KCNT2: variants seen among roughly 807,000 people sequenced by gnomAD.
The protein encoded by KCNT2 is potassium channel subfamily T member 2.
KCNT2 carries 67 observed loss-of-function variants against 153.8 expected under a neutral mutation model. The observed-to-expected ratio is 0.44, with a 90% CI of 0.36 to 0.53. The LOEUF (loss-of-function observed/expected upper bound fraction) is 0.53, where lower values mean the gene tolerates loss of function less well. KCNT2 is among the 20% of genes least tolerant of loss of function. KCNT2 has a pLI of 0.00. For missense variants in KCNT2, 975 were observed against 1,354.8 expected (o/e 0.72, Z 4.40); for synonymous variants, 500 against 458.8 (o/e 1.09, Z -1.15).
At chr1:196,278,242 C>G (rs1223098154) in intron 25 of KCNT2, among the ~76,000 whole-genome samples, 1 of 152,112 alleles carries the variant, frequency 6.6e-6, no homozygotes, top group African/African-American at 2.4e-5. Context: ...TATGCTAGTA[C>G]AGTAACACTA....
At chr1:196,468,443 A>G (rs183957432) in intron 6 of KCNT2, among the ~76,000 whole-genome samples, 1 of 152,218 alleles carries the variant, frequency 6.6e-6, no homozygotes, top group East Asian at 1.9e-4. Flanking sequence ...ATAGTTTTGC[A>G]AAAGGAAAGT....
Position 196,596,543 on chromosome 1 carries a change from A to G in KCNT2, c.95+11672T>C, listed in dbSNP as rs183509732. 4.3e-3 allele frequency among the ~76,000 whole-genome samples: 659 copies of G among 152,196 alleles called. 2 individuals are homozygous for G. Among genetic ancestry groups the G allele is most frequent in the Non-Finnish European group, 7.7e-3 (525 of 67,996 alleles). On this transcript the variant is annotated intron_variant, in intron 1 of 27. Transcript: ENST00000294725. ...GTGCATCTTGTTTTGAGACTTGTCT[A>G]TTCATGTCCTTTGCCCACTTTTTGA...
At chr1:196,561,088 A>G (rs1332302972) in intron 1 of KCNT2, among the ~76,000 whole-genome samples, 1 of 151,886 alleles carries the variant, frequency 6.6e-6, no homozygotes, top group Admixed American at 6.6e-5. Context: ...TACATATTTC[A>G]AAATTACTAA....
Position 196,405,962 on chromosome 1 carries a change from T to A in KCNT2, c.1186-7291A>T, listed in dbSNP as rs192009149. On this transcript the variant is annotated intron_variant, in intron 12 of 27. Transcript: ENST00000294725. ...TATGGCAATCTGGAGAACAAACCTG[T>A]CTTGAAAACATTCGAATGTATTGTT... 9.8e-4 allele frequency among the ~76,000 whole-genome samples: 148 copies of A among 151,596 alleles called. 1 individual carries two copies. The highest frequency in any genetic ancestry group is 3.4e-3 in the Middle Eastern group (1 of 294).
At chr1:196,232,367 T>C (rs1481448979) in intron 27 of KCNT2, among the ~76,000 whole-genome samples, 1 of 151,768 alleles carries the variant, frequency 6.6e-6, no homozygotes, top group Non-Finnish European at 1.5e-5. Context: ...GTATAATCCA[T>C]TATTCTCTGC....
chr1:196,261,047 TTG>T (rs1378666453), intron 25 of KCNT2, among the ~76,000 whole-genome samples: 2 of 151,596 alleles, frequency 1.3e-5, no homozygotes, highest in African/African-American at 4.8e-5. Flanking sequence ...GTGTGTGTGT[TTG>T]TGTGTTTTAA....
chr1:196,559,186 A>T (rs1659067351), intron 1 of KCNT2, among the ~76,000 whole-genome samples: 1 of 151,638 alleles, frequency 6.6e-6, no homozygotes, highest in African/African-American at 2.4e-5. Flanking sequence ...ACTTCAATAG[A>T]AGTCACAGTA....
At chr1:196,506,695 A>G (rs1313422317) in intron 1 of KCNT2, among the ~76,000 whole-genome samples, 5 of 152,272 alleles carry the variant, frequency 3.3e-5, no homozygotes, top group East Asian at 1.9e-4. Flanking sequence ...AAATAACTCA[A>G]TTACAACATC....
At chr1:196,566,107 TA>T (rs1365209028) in intron 1 of KCNT2, among the ~76,000 whole-genome samples, 2 of 151,862 alleles carry the variant, frequency 1.3e-5, no homozygotes, top group African/African-American at 2.4e-5. Context: ...AATGAATTTG[TA>T]AAAAAGAAAT....
chr1:196,335,762 C>A lies in KCNT2; in HGVS notation c.1784-1702G>T, dbSNP rs567067678. Among the ~76,000 whole-genome samples, 5 of 152,202 alleles carry A rather than the reference C, an allele frequency of 3.3e-5. No homozygotes were observed. In the East Asian group the frequency reaches 9.7e-4, roughly 29 times the overall value. ...TAACCAATAAAAACAATGTTGCACA[C>A]ATTTTTATGCATTCACCCTTTGATC... On this transcript the variant is annotated intron_variant, in intron 16 of 27. Transcript: ENST00000294725.
At position 196,523,076 on chromosome 1, in the gene KCNT2, G is replaced by A. The variant is rs563253179; in HGVS notation, c.96-30735C>T. ...TGGGTCCACACTACCTTTTTGAGCT[G>A]TAACACTGCGAAGGCCTGCAGCTTC... is the stretch of plus-strand genomic sequence containing the variant. On this transcript the variant is annotated intron_variant, in intron 1 of 27. Coordinates refer to ENST00000294725, the MANE Select transcript of KCNT2 (RefSeq NM_198503.5). Among the ~76,000 whole-genome samples, 3 of 152,246 alleles carry A rather than the reference G, an allele frequency of 2.0e-5. No homozygotes were observed. In the South Asian group the frequency reaches 6.2e-4, roughly 32 times the overall value.
chr1:196,556,153 A>C (rs574616526), intron 1 of KCNT2, among the ~76,000 whole-genome samples: 10 of 151,604 alleles, frequency 6.6e-5, no homozygotes, highest in African/African-American at 2.4e-4. Context: ...GACAAATAAG[A>C]TCACATCAAG....
intron 13 of KCNT2, among the ~76,000 whole-genome samples, chr1:196,380,278 T>C (rs1327762629): frequency 1.3e-5 from 2 of 152,054 alleles, no homozygotes; most frequent in African/African-American, 4.8e-5. Context: ...TTCTTCTTTG[T>C]TATTCTAATG....
At chr1:196,570,557 T>A (rs1383384682) in intron 1 of KCNT2, among the ~76,000 whole-genome samples, 1 of 152,112 alleles carries the variant, frequency 6.6e-6, no homozygotes, top group Non-Finnish European at 1.5e-5. Context: ...CCTACTCTAA[T>A]CCTACTCAAA....
At chr1:196,522,569 C>T (rs1260004689) in intron 1 of KCNT2, among the ~76,000 whole-genome samples, 3 of 152,184 alleles carry the variant, frequency 2.0e-5, no homozygotes, top group Non-Finnish European at 4.4e-5. Flanking sequence ...ATAAGCTACT[C>T]ATACTAGTGA....
intron 12 of KCNT2, among the ~76,000 whole-genome samples, chr1:196,407,452 G>A (rs1368675124): frequency 6.6e-6 from 1 of 151,322 alleles, no homozygotes; most frequent in Non-Finnish European, 1.5e-5. Context: ...TTTGAGAATG[G>A]TAAGAAAAAT....
chr1:196,414,506 A>T (rs1408776238), intron 12 of KCNT2, among the ~76,000 whole-genome samples: 1 of 151,888 alleles, frequency 6.6e-6, no homozygotes, highest in African/African-American at 2.4e-5. Flanking sequence ...TTTCTCCAAG[A>T]TTCCATGTAA....
At chr1:196,424,640 A>G (rs1235840507) in intron 11 of KCNT2, among the ~76,000 whole-genome samples, 2 of 151,978 alleles carry the variant, frequency 1.3e-5, no homozygotes. Context: ...CAATTAGATA[A>G]CACTCATTAT....
At chr1:196,409,996 T>C (rs1365982479) in intron 12 of KCNT2, among the ~76,000 whole-genome samples, 4 of 151,640 alleles carry the variant, frequency 2.6e-5, no homozygotes, top group African/African-American at 9.7e-5. Context: ...CTAAGAGATA[T>C]AAGGTGATAT....
Sources: allele counts gnomAD v4.1 joint callset (sites outside exome capture counted in the v4.1 genomes callset), GRCh38; gene constraint gnomAD v4.1.1; transcripts MANE v1.5; gene names NCBI Gene and HGNC (gene_info 2026-07-23, HGNC 2026-07-21).